The following SLC30A8 variants were observed in gnomAD, a reference collection of about 807,000 sequenced individuals.
SLC30A8 encodes the protein solute carrier family 30 member 8.
In SLC30A8, 27 loss-of-function variants were observed where a neutral mutation model predicts 36.9. The ratio of observed to expected loss-of-function variants is 0.73; its 90% CI spans 0.54 to 1.01. SLC30A8 has a LOEUF of 1.01. Ranked by LOEUF, SLC30A8 falls within the 50% of genes least tolerant of loss-of-function variation. SLC30A8 has a pLI of 0.00. For synonymous variants in SLC30A8, 164 were observed against 172.4 expected (o/e 0.95, Z 0.38); for missense variants, 439 against 452.0 (o/e 0.97, Z 0.26).
At chr8:116,995,109 C>G (rs374168299) in intron 1 of SLC30A8, among the ~76,000 whole-genome samples, 10 of 152,064 alleles carry the variant, frequency 6.6e-5, no homozygotes, top group East Asian at 3.8e-4. Flanking sequence ...ACAAAGCTGC[C>G]CTAGAAGAGA....
At chr8:117,128,856 G>A in intron 2 of SLC30A8, among the ~76,000 whole-genome samples, 1 of 151,890 alleles carries the variant, frequency 6.6e-6, no homozygotes. Flanking sequence ...CTTTTTTTCT[G>A]GTTAGGAAAT....
chr8:117,086,617 A>G (rs1364336630), intron 2 of SLC30A8, among the ~76,000 whole-genome samples: 3 of 152,188 alleles, frequency 2.0e-5, no homozygotes, highest in African/African-American at 7.2e-5. Flanking sequence ...AGTGAGCTCC[A>G]TGGGTCTCTC....
At chr8:117,145,580 A>G (rs1369636628) in intron 1 of SLC30A8, among the ~76,000 whole-genome samples, 1 of 152,134 alleles carries the variant, frequency 6.6e-6, no homozygotes, top group Admixed American at 6.5e-5. Context: ...CAGGAATGCA[A>G]AGTTCTTAAT....
chr8:117,120,051 T>C (rs1028212402), intron 2 of SLC30A8, among the ~76,000 whole-genome samples: 1 of 151,830 alleles, frequency 6.6e-6, no homozygotes, highest in African/African-American at 2.4e-5. Context: ...CTACCCAAAG[T>C]GACTAACAAA....
intron 2 of SLC30A8, among the ~76,000 whole-genome samples, chr8:117,075,130 A>G (rs542163183): frequency 6.6e-6 from 1 of 152,326 alleles, no homozygotes; most frequent in African/African-American, 2.4e-5. Context: ...AATATAATCT[A>G]GCAAACACAA....
At chr8:117,145,529 T>C (rs921818071) in intron 1 of SLC30A8, among the ~76,000 whole-genome samples, 3 of 152,068 alleles carry the variant, frequency 2.0e-5, no homozygotes, top group African/African-American at 4.8e-5. Context: ...AGCTAATATA[T>C]TGTTAGTTTT....
chr8:117,163,271 CAA>C (rs1822885577), intron 5 of SLC30A8, among the ~76,000 whole-genome samples, 152 bp from the exon 6 acceptor site: 3 of 152,306 alleles, frequency 2.0e-5, no homozygotes, highest in Admixed American at 6.5e-5. Context: ...TCTTCAAAAA[CAA>C]AGTCTTCCCT....
upstream of SLC30A8, among the ~76,000 whole-genome samples, chr8:117,130,869 C>CACTT (rs1821107228): frequency 1.3e-5 from 2 of 151,898 alleles, no homozygotes; most frequent in Admixed American, 6.6e-5. Flanking sequence ...AAGAAATATA[C>CACTT]ACTTCATAAA....
At chr8:117,001,043 T>C (rs1815992368) in intron 1 of SLC30A8, among the ~76,000 whole-genome samples, 1 of 152,040 alleles carries the variant, frequency 6.6e-6, no homozygotes, top group Admixed American at 6.6e-5. Context: ...CACTATGTGG[T>C]TTGTATGAGA....
chr8:117,159,010 A>G (rs1822643058), intron 4 of SLC30A8, among the ~76,000 whole-genome samples: 1 of 152,190 alleles, frequency 6.6e-6, no homozygotes, highest in African/African-American at 2.4e-5. Flanking sequence ...GAGACAGGAG[A>G]TCAGAGAGGA....
At chr8:117,038,988 A>G (rs1817301756) in intron 1 of SLC30A8, among the ~76,000 whole-genome samples, 1 of 152,234 alleles carries the variant, frequency 6.6e-6, no homozygotes. Context: ...AAGGGAAGGC[A>G]GTGCCAGCTG....
intron 4 of SLC30A8, among the ~76,000 whole-genome samples, chr8:117,160,420 T>TGTGTGTGTGTGTGTGCGC (rs1201082354): frequency 1.4e-5 from 2 of 145,908 alleles, no homozygotes; most frequent in Non-Finnish European, 3.0e-5. Flanking sequence ...TGTGTGTGTG[T>TGTGTGTGTGTGTGTGCGC]GTGTGTGTGT....
intron 1 of SLC30A8, among the ~76,000 whole-genome samples, chr8:116,972,534 G>C (rs1814827153): frequency 6.6e-6 from 1 of 152,200 alleles, no homozygotes; most frequent in Non-Finnish European, 1.5e-5. Context: ...ACCTTCAGCA[G>C]ACCTAAGCTC....
chr8:117,158,554 T>C (rs1822618998), intron 4 of SLC30A8, among the ~76,000 whole-genome samples: 1 of 152,238 alleles, frequency 6.6e-6, no homozygotes. Flanking sequence ...AATTCTCCCT[T>C]AAGTTTCAAC....
chr8:117,000,847 A>T (rs1261474735), intron 1 of SLC30A8, among the ~76,000 whole-genome samples: 1 of 152,178 alleles, frequency 6.6e-6, no homozygotes, highest in African/African-American at 2.4e-5. Flanking sequence ...AATTTATCTC[A>T]TTTAAAATGG....
chr8:117,140,389 C>A (rs1821595404), intron 1 of SLC30A8, among the ~76,000 whole-genome samples: 1 of 152,036 alleles, frequency 6.6e-6, no homozygotes, highest in Non-Finnish European at 1.5e-5. Flanking sequence ...TCTACACATT[C>A]ATGATGGTCA....
chr8:117,093,709 C>T (rs1819236152), intron 2 of SLC30A8, among the ~76,000 whole-genome samples: 1 of 152,284 alleles, frequency 6.6e-6, no homozygotes, highest in Admixed American at 6.5e-5. Flanking sequence ...TGGGGTGTTG[C>T]TTTGCCAGCC....
rs34483962 is a variant in SLC30A8, at chr8:116,977,315, A to AT, written c.-266+26207dup. On this transcript the variant is annotated intron_variant, in intron 1 of 10. Coordinates refer to the SLC30A8 transcript ENST00000427715. ...AGGCGCCCGCCACCACACCTGGCTA[A>AT]TTTTTTTTTTTGTATTTTTAGTAGA... Among the ~76,000 whole-genome samples, 232 of 142,430 alleles carry AT rather than the reference A, an allele frequency of 1.6e-3. 2 individuals are homozygous for AT. The highest frequency in any genetic ancestry group is 4.3e-3 in the African/African-American group (164 of 38,124). 93.4% of individuals were successfully genotyped at this position (142,430 alleles called of 152,430 possible). A position where few individuals can be genotyped will look rare whatever the true frequency, so the allele number is the denominator to read the frequency against.
At chr8:117,165,694 T>C (rs1823021823) in intron 6 of SLC30A8, among the ~76,000 whole-genome samples, 1 of 152,170 alleles carries the variant, frequency 6.6e-6, no homozygotes, top group Non-Finnish European at 1.5e-5. Context: ...GAGATTTGAC[T>C]GGAGCATCAA....
Sources: gnomAD v4.1 joint callset for allele counts (sites outside exome capture counted in the v4.1 genomes callset) on GRCh38, gnomAD v4.1.1 for gene constraint, MANE v1.5 for transcripts, NCBI Gene and HGNC (gene_info 2026-07-23, HGNC 2026-07-21) for gene names.